FAR1: variants seen among roughly 807,000 people sequenced by gnomAD.
The protein encoded by FAR1 is fatty acyl-CoA reductase 1.
Under a neutral mutation model 61.1 loss-of-function variants are expected in FAR1, and 22 were observed. The observed-to-expected ratio is 0.36, with a 90% CI of 0.26 to 0.51. The LOEUF (loss-of-function observed/expected upper bound fraction) is 0.51. Among genes scored for constraint, FAR1 ranks in the 20% least tolerant of loss-of-function variants. The pLI is 0.95. For missense variants in FAR1, 359 were observed against 626.9 expected, an observed-to-expected ratio of 0.57 and a Z score of 4.56; for synonymous variants, 206 against 209.7, an observed-to-expected ratio of 0.98 and a Z score of 0.15.
rs1848720518 is a variant in FAR1 at position 13,731,069 on chromosome 11, G to A, written c.*2295G>A. On this transcript the variant is annotated 3_prime_UTR_variant, in exon 12 of 12. Coordinates refer to ENST00000354817, the MANE Select transcript of FAR1 (RefSeq NM_032228.6). ...AACAGGATAGCCTACTAAATTAAAT[G>A]TTTCTTATTTCACTTAACTCATTTG... is the stretch of plus-strand genomic sequence containing the variant. 3 of 152,064 alleles carry A rather than the reference G, an allele frequency of 2.0e-5. No individual in the cohort carries two copies. The highest frequency in any genetic ancestry group is 4.1e-4 in the South Asian group (2 of 4,832). The allele number at this position is 152,064 out of a possible 1,614,324, so 9.4% of individuals were successfully genotyped here.
chr11:13,728,261 G>A (rs889325617), intron 11 of FAR1, among the ~76,000 whole-genome samples: 4 of 151,692 alleles, frequency 2.6e-5, no homozygotes, highest in African/African-American at 7.3e-5. Flanking sequence ...TTTTATGCTT[G>A]GATAAGGGCT....
At chr11:13,714,738 T>G in intron 9 of FAR1, 58 bp downstream of exon 9, 2 of 1,438,966 alleles carry the variant, frequency 1.4e-6, no homozygotes, top group Non-Finnish European at 1.9e-6. Context: ...ATGCTTACAC[T>G]AAAATGCATA....
Position 13,721,702 on chromosome 11 carries a change from GA to G in FAR1, c.1128-26del. 6.2e-7 allele frequency: 1 copy of G among 1,602,136 alleles called. No homozygotes were observed. The highest frequency in any genetic ancestry group is 2.3e-5 in the East Asian group (1 of 44,424). On this transcript the variant is annotated intron_variant, in intron 9 of 11. Coordinates refer to ENST00000354817, the MANE Select transcript of FAR1 (RefSeq NM_032228.6). The surrounding 1 kb of genome is among the most constrained non-coding windows in gnomAD (Gnocchi z 4.2). ...ATTTTTCCTAATCTATACAAAATAT[GA>G]ATCTGTCCATTTTTCTTACAATACA...
At chr11:13,679,783 A>T (rs1848105331) in intron 1 of FAR1, among the ~76,000 whole-genome samples, 1 of 152,172 alleles carries the variant, frequency 6.6e-6, no homozygotes, top group African/African-American at 2.4e-5. Context: ...TATTTTTCTC[A>T]GTGTGTAACA....
intron 9 of FAR1, among the ~76,000 whole-genome samples, chr11:13,718,951 G>C (rs531688819): frequency 6.6e-6 from 1 of 152,204 alleles, no homozygotes; most frequent in African/African-American, 2.4e-5. Context: ...GCAGCCTCAG[G>C]GGGAGTTGGA....
intron 9 of FAR1, among the ~76,000 whole-genome samples, chr11:13,715,018 A>T (rs181732918): frequency 6.6e-6 from 1 of 152,182 alleles, no homozygotes; most frequent in Non-Finnish European, 1.5e-5. Context: ...CCTTTAAACC[A>T]AGTATTCAGG....
intron 1 of FAR1, among the ~76,000 whole-genome samples, chr11:13,682,311 A>G (rs2134171128): frequency 6.6e-6 from 1 of 152,286 alleles, no homozygotes; most frequent in East Asian, 1.9e-4. Context: ...TCTCATTTAT[A>G]CTTCATTTTT....
intron 3 of FAR1, among the ~76,000 whole-genome samples, chr11:13,705,568 A>C (rs1315341311): frequency 6.6e-6 from 1 of 152,076 alleles, no homozygotes; most frequent in East Asian, 1.9e-4. Flanking sequence ...TTGCAAATGC[A>C]AAAGAAAATA....
intron 8 of FAR1, 126 bp from the exon 9 acceptor site, chr11:13,714,383 T>G (rs1848532599): frequency 2.1e-6 from 2 of 945,368 alleles, no homozygotes; most frequent in East Asian, 5.5e-5. Flanking sequence ...GAAAAGTTTG[T>G]TTTTTAAATG....
chr11:13,680,173 T>A (rs767021328), intron 1 of FAR1, among the ~76,000 whole-genome samples: 3 of 152,196 alleles, frequency 2.0e-5, no homozygotes, highest in Non-Finnish European at 4.4e-5. Flanking sequence ...GAACCCACTG[T>A]TATTAGGAGC....
At chr11:13,718,423 G>A (rs1207855084) in intron 9 of FAR1, among the ~76,000 whole-genome samples, 1 of 152,170 alleles carries the variant, frequency 6.6e-6, no homozygotes, top group African/African-American at 2.4e-5. Flanking sequence ...AGAGGTGACA[G>A]TTTGTTGTCC....
In FAR1 at chr11:13,719,688, A is replaced by G. The variant is rs144086109; in HGVS notation, c.1128-2042A>G. Reference sequence around the variant, plus strand: ...TTCTCAGCTGGAGACATTTGACAACATTTGCAGGTATTTTTAGTTATCACA... The same window carrying G: ...TTCTCAGCTGGAGACATTTGACAACGTTTGCAGGTATTTTTAGTTATCACA... On this transcript the variant is annotated intron_variant, in intron 9 of 11. Transcript: ENST00000354817. Among the ~76,000 whole-genome samples, 220 of 152,238 alleles carry G rather than the reference A, an allele frequency of 1.4e-3. 1 individual carries two copies. The highest frequency in any genetic ancestry group is 5.1e-3 in the African/African-American group (212 of 41,534).
Position 13,703,168 on chromosome 11 carries a change from G to GTTTGTTTTTGTT in FAR1, c.365+2696_365+2707dup, listed in dbSNP as rs79020181. ...AACAACTTCGTATGAAAGAATTACT[G>GTTTGTTTTTGTT]TTTGTTTTTGTTTTTGTTTTTGTTT... is the stretch of plus-strand genomic sequence containing the variant. On this transcript the variant is annotated intron_variant, in intron 3 of 11. Transcript: ENST00000354817. Among the ~76,000 whole-genome samples, 245 of 151,802 alleles carry GTTTGTTTTTGTT rather than the reference G, an allele frequency of 1.6e-3. 1 individual carries two copies. Among genetic ancestry groups the GTTTGTTTTTGTT allele is most frequent in the African/African-American group, 5.1e-3 (211 of 41,414 alleles).
intron 1 of FAR1, among the ~76,000 whole-genome samples, chr11:13,692,426 A>G (rs1848260157): frequency 6.6e-6 from 1 of 152,086 alleles, no homozygotes. Context: ...GGGTCATATG[A>G]TAATTCTGTT....
At chr11:13,720,530 A>G (rs1029657267) in intron 9 of FAR1, 1 of 152,082 alleles carries the variant, frequency 6.6e-6, no homozygotes, top group Non-Finnish European at 1.5e-5. Context: ...TGGATGAAAT[A>G]TAGTTTTTTT....
intron 1 of FAR1, among the ~76,000 whole-genome samples, chr11:13,670,436 A>G (rs1037249965): frequency 6.6e-6 from 1 of 152,158 alleles, no homozygotes; most frequent in East Asian, 1.9e-4. Context: ...GACTACAGAG[A>G]CATGCCCCAC....
rs960406000 is a variant in FAR1, at chr11:13,721,606, G to A, written c.1128-124G>A. On this transcript the variant is annotated intron_variant, in intron 9 of 11. Transcript: ENST00000354817. This position sits in a 1 kb window ranked among gnomAD's most constrained non-coding sequence, Gnocchi z 4.2. ...TCCCTGCTGATTTGGTACACTTAAT[G>A]ATTAAATGTTATAATTTTAATACTA... 2 of 669,438 alleles carry A rather than the reference G, an allele frequency of 3.0e-6. No individual in the cohort carries two copies. The highest frequency in any genetic ancestry group is 3.5e-5 in the Admixed American group (1 of 28,606). 41.5% of individuals were successfully genotyped at this position (669,438 alleles called of 1,614,324 possible).
intron 1 of FAR1, among the ~76,000 whole-genome samples, chr11:13,680,362 G>A (rs139387125): frequency 7.2e-5 from 11 of 152,132 alleles, no homozygotes; most frequent in African/African-American, 2.7e-4. Flanking sequence ...CAAGTAGTTG[G>A]GCACACAGTT....
intron 10 of FAR1, among the ~76,000 whole-genome samples, chr11:13,724,891 G>A (rs543689094): frequency 1.2e-3 from 180 of 152,244 alleles, no homozygotes; most frequent in Non-Finnish European, 1.5e-3. Flanking sequence ...GCAGAACCAT[G>A]AGCCAGTTAA....
Sources: gnomAD v4.1 joint callset for allele counts (sites outside exome capture counted in the v4.1 genomes callset) on GRCh38, gnomAD v4.1.1 for gene constraint, Gnocchi (gnomAD v3.1) non-coding constraint, MANE v1.5 for transcripts, NCBI Gene and HGNC (gene_info 2026-07-23, HGNC 2026-07-21) for gene names.